PFKP: variants seen among roughly 807,000 people sequenced by gnomAD.
PFKP encodes the protein phosphofructokinase, platelet.
PFKP carries 101 observed loss-of-function variants against 94.3 expected under a neutral mutation model. The observed-to-expected ratio is 1.07, with a 90% confidence interval of 0.91 to 1.26. The LOEUF is 1.26. PFKP is among the 50% of genes most tolerant of loss of function. The pLI, the probability that PFKP is intolerant of heterozygous loss-of-function variation, is 0.00. For missense variants in PFKP, 1,145 were observed against 1,103.3 expected (o/e 1.04, Z -0.53); for synonymous variants, 573 against 432.6 (o/e 1.32, Z -4.03).
intron 2 of PFKP, among the ~76,000 whole-genome samples, chr10:3,095,290 C>T (rs142060763): frequency 5.5e-4 from 50 of 90,248 alleles, no homozygotes; most frequent in Admixed American, 2.1e-3. Flanking sequence ...ATGATGGATT[C>T]GGCGATTGCC....
intron 17 of PFKP, among the ~76,000 whole-genome samples, chr10:3,130,312 C>A (rs151134458): frequency 6.6e-6 from 1 of 152,330 alleles, no homozygotes; most frequent in East Asian, 1.9e-4. Flanking sequence ...CCCACGTCTG[C>A]GACAGGCTCT....
At chr10:3,097,316 C>T (rs1360387115) in intron 2 of PFKP, among the ~76,000 whole-genome samples, 1 of 152,048 alleles carries the variant, frequency 6.6e-6, no homozygotes, top group Admixed American at 6.5e-5. Context: ...AGAACATAAA[C>T]GGTGCCTCCC....
intron 1 of PFKP, among the ~76,000 whole-genome samples, chr10:3,074,646 T>G (rs1832445983): frequency 6.6e-6 from 1 of 151,968 alleles, no homozygotes; most frequent in Admixed American, 6.6e-5. Flanking sequence ...TTGGGGTGAA[T>G]GGGCACTCAG....
intron 7 of PFKP, among the ~76,000 whole-genome samples, chr10:3,106,606 C>CTCGCCCCTGCCACTGCCCCT (rs1554768783): frequency 2.2e-4 from 14 of 63,206 alleles, no homozygotes; most frequent in African/African-American, 3.7e-4. Context: ...TGCCCCTCTC[C>CTCGCCCCTGCCACTGCCCCT]TCACCCCTGC....
chr10:3,112,119 T>G, intron 10 of PFKP, 103 bp from the exon 11 acceptor site: 1 of 922,042 alleles, frequency 1.1e-6, no homozygotes, highest in Non-Finnish European at 1.8e-6. Context: ...CGGGTCAGAC[T>G]GGAGGGGGCT....
At chr10:3,099,776 G>T (rs992869891) in intron 3 of PFKP, among the ~76,000 whole-genome samples, 2 of 152,144 alleles carry the variant, frequency 1.3e-5, no homozygotes, top group South Asian at 4.1e-4. Context: ...CCATTCTGCG[G>T]TCGTGATTGA....
chr10:3,131,253 G>A (rs1838553049), intron 17 of PFKP, among the ~76,000 whole-genome samples: 2 of 152,172 alleles, frequency 1.3e-5, no homozygotes, highest in South Asian at 4.1e-4. Context: ...AACAACAGGT[G>A]TGCAGCAGGC....
chr10:3,129,519 GTCTTTT>G, intron 16 of PFKP: 16 of 369,176 alleles, frequency 4.3e-5, no homozygotes, highest in South Asian at 1.4e-4. Flanking sequence ...TTGTGGGGTC[GTCTTTT>G]CCGTCCCCTT....
At chr10:3,103,665 A>G (rs557851484) in intron 4 of PFKP, 114 bp from the exon 5 acceptor site, 3 of 976,350 alleles carry the variant, frequency 3.1e-6, no homozygotes, top group South Asian at 1.6e-5. Context: ...AATAACAAAG[A>G]GTTTAGAATG....
intron 1 of PFKP, among the ~76,000 whole-genome samples, chr10:3,081,028 G>T (rs1833027114): frequency 6.6e-6 from 1 of 152,168 alleles, no homozygotes; most frequent in South Asian, 2.1e-4. Context: ...TAATCAGTAG[G>T]TCATTCGAAT....
At chr10:3,087,114 G>A (rs775251573) in intron 2 of PFKP, among the ~76,000 whole-genome samples, 84 of 152,080 alleles carry the variant, frequency 5.5e-4, no homozygotes, top group South Asian at 2.1e-4. Flanking sequence ...CTGGGATTAC[G>A]TGCCTGGCTA....
Position 3,107,636 on chromosome 10 carries a change from G to T in PFKP, c.870+327G>T, listed in dbSNP as rs79639736. 2,862 of 508,584 alleles carry T rather than the reference G, an allele frequency of 5.6e-3. 69 individuals are homozygous for T. The highest frequency in any genetic ancestry group is 0.056 in the African/African-American group (2,702 of 48,146). 31.5% of individuals were successfully genotyped at this position (508,584 alleles called of 1,614,324 possible). ...TAAACATGAGCTGCTCTGAGAATGAGGACTGACCACTTGGCAGCCGACCCG... is the reference window on the plus strand; with the variant it reads ...TAAACATGAGCTGCTCTGAGAATGATGACTGACCACTTGGCAGCCGACCCG... On this transcript the variant is annotated intron_variant, in intron 8 of 21. Transcript: ENST00000381125.
intron 1 of PFKP, among the ~76,000 whole-genome samples, chr10:3,068,439 C>G (rs1831905452): frequency 6.6e-6 from 1 of 152,186 alleles, no homozygotes; most frequent in Admixed American, 6.5e-5. Context: ...GTGACAAAAA[C>G]GAAAACCAAA....
chr10:3,122,739 G>A (rs1273870882), intron 16 of PFKP, among the ~76,000 whole-genome samples: 1 of 152,188 alleles, frequency 6.6e-6, no homozygotes, highest in Non-Finnish European at 1.5e-5. Flanking sequence ...TCTGTAGATG[G>A]CTCCAGTATA....
chr10:3,089,724 A>G (rs1050379784), intron 2 of PFKP, among the ~76,000 whole-genome samples: 2 of 150,334 alleles, frequency 1.3e-5, no homozygotes, highest in Non-Finnish European at 3.0e-5. Context: ...AATGTTATAC[A>G]TTATGTATAA....
chr10:3,133,132 C>A, intron 18 of PFKP, 71 bp from the exon 19 acceptor site: 2 of 1,069,612 alleles, frequency 1.9e-6, no homozygotes, highest in Non-Finnish European at 2.9e-6. Flanking sequence ...CCTCCCAGGG[C>A]CATCTCCCCA....
chr10:3,096,408 C>A (rs1421168688), intron 2 of PFKP, among the ~76,000 whole-genome samples: 3 of 152,162 alleles, frequency 2.0e-5, no homozygotes, highest in African/African-American at 7.2e-5. Flanking sequence ...CAGAAATGAC[C>A]GCAACAGCTC....
chr10:3,111,946 A>G (rs1417424897), intron 10 of PFKP, among the ~76,000 whole-genome samples: 1 of 152,202 alleles, frequency 6.6e-6, no homozygotes, highest in Non-Finnish European at 1.5e-5. Flanking sequence ...GTGTCCACAA[A>G]CAGCAGGTGA....
Position 3,125,269 on chromosome 10 carries a change from T to C in PFKP, c.1684-4550T>C, listed in dbSNP as rs375366678. The C allele has an allele frequency of 8.1e-4, 1,030 of 1,279,116 alleles. 12 individuals are homozygous for C. The highest frequency in any genetic ancestry group is 6.9e-3 in the South Asian group (524 of 75,836). The allele number at this position is 1,279,116 out of a possible 1,614,324, so 79.2% of individuals were successfully genotyped here. On this transcript the variant is annotated intron_variant, in intron 16 of 21. Coordinates refer to ENST00000381125, the MANE Select transcript of PFKP (RefSeq NM_002627.5). ...GTTGAGGTAAGAGAACCCCGTTTCC[T>C]CTCATTGCTTTTCCGTCATTTATTT...
Sources: allele counts gnomAD v4.1 joint callset (sites outside exome capture counted in the v4.1 genomes callset), GRCh38; gene constraint gnomAD v4.1.1; transcripts MANE v1.5; gene names NCBI Gene and HGNC (gene_info 2026-07-23, HGNC 2026-07-21).